Variants in ASTN1 observed in about 807,000 individuals in gnomAD.
ASTN1 encodes astrotactin-1.
A neutral mutation model predicts 140.7 loss-of-function variants in ASTN1; 41 were observed. The observed-to-expected ratio is 0.29, with a 90% CI of 0.23 to 0.38. The LOEUF is 0.38. ASTN1 is among the 10% of genes least tolerant of loss of function. The pLI is 1.00. For synonymous variants in ASTN1, 640 were observed against 652.2 expected (o/e 0.98, Z 0.29); for missense variants, 1,479 against 1,678.8 (o/e 0.88, Z 2.08).
intron 10 of ASTN1, among the ~76,000 whole-genome samples, chr1:176,958,057 C>T (rs759398221): frequency 3.3e-5 from 5 of 152,222 alleles, no homozygotes; most frequent in South Asian, 2.1e-4. Context: ...GAGGTCTAAA[C>T]TCAGGCAAGG....
At chr1:177,162,232 C>T (rs766518844) in intron 1 of ASTN1, among the ~76,000 whole-genome samples, 5 of 152,178 alleles carry the variant, frequency 3.3e-5, no homozygotes, top group Non-Finnish European at 7.3e-5. Context: ...TCCTTTCTGC[C>T]CAGATCTGTT....
intron 1 of ASTN1, among the ~76,000 whole-genome samples, chr1:177,148,152 C>T (rs1682800918): frequency 6.6e-6 from 1 of 152,164 alleles, no homozygotes; most frequent in African/African-American, 2.4e-5. Flanking sequence ...GGTGTGGTGG[C>T]TCACGCCTGT....
chr1:176,911,902 C>G (rs1670257884), intron 16 of ASTN1, among the ~76,000 whole-genome samples: 1 of 152,044 alleles, frequency 6.6e-6, no homozygotes, highest in South Asian at 2.1e-4. Flanking sequence ...TTGTTTACAC[C>G]AACATTACCA....
intron 8 of ASTN1, among the ~76,000 whole-genome samples, chr1:176,994,109 C>G (rs1674324039): frequency 6.6e-6 from 1 of 151,642 alleles, no homozygotes; most frequent in African/African-American, 2.4e-5. Flanking sequence ...CCCACCCCCC[C>G]CGCCACCCAC....
At chr1:177,119,342 A>T (rs1023968156) in intron 1 of ASTN1, among the ~76,000 whole-genome samples, 3 of 152,248 alleles carry the variant, frequency 2.0e-5, no homozygotes, top group Non-Finnish European at 4.4e-5. Context: ...TTTGCTACTG[A>T]ATTCACAGAT....
intron 1 of ASTN1, among the ~76,000 whole-genome samples, chr1:177,129,528 G>A (rs552206729): frequency 2.5e-4 from 38 of 152,232 alleles, no homozygotes; most frequent in African/African-American, 8.2e-4. Flanking sequence ...GCTTCTACCT[G>A]AGAAAGAGAG....
At chr1:177,163,288 G>A (rs1476248839) in intron 1 of ASTN1, among the ~76,000 whole-genome samples, 1 of 152,058 alleles carries the variant, frequency 6.6e-6, no homozygotes, top group Non-Finnish European at 1.5e-5. Context: ...AATTTCTCCT[G>A]GGCAAAATAA....
intron 1 of ASTN1, among the ~76,000 whole-genome samples, chr1:177,123,255 A>G (rs1681487271): frequency 6.6e-6 from 1 of 152,172 alleles, no homozygotes. Context: ...CCAACAATCA[A>G]TCAATGGGAA....
At chr1:176,916,292 GGT>G (rs1670478135) in intron 16 of ASTN1, among the ~76,000 whole-genome samples, 1 of 152,202 alleles carries the variant, frequency 6.6e-6, no homozygotes, top group Non-Finnish European at 1.5e-5. Flanking sequence ...CAGGAAGGTA[GGT>G]GTGCCTGCAG....
chr1:177,079,422 A>G (rs879282234), intron 1 of ASTN1, among the ~76,000 whole-genome samples: 1 of 152,170 alleles, frequency 6.6e-6, no homozygotes, highest in Admixed American at 6.5e-5. Flanking sequence ...AAATGTCTTA[A>G]AAGTTTCCTG....
chr1:177,072,155 A>G (rs1678675825), intron 1 of ASTN1, among the ~76,000 whole-genome samples: 1 of 152,190 alleles, frequency 6.6e-6, no homozygotes, highest in Non-Finnish European at 1.5e-5. Flanking sequence ...CTGAGAAATC[A>G]TGAGCCACTA....
At chr1:176,972,987 A>G (rs1216500658) in intron 8 of ASTN1, among the ~76,000 whole-genome samples, 1 of 151,808 alleles carries the variant, frequency 6.6e-6, no homozygotes, top group East Asian at 1.9e-4. Context: ...TTCCCTCCTC[A>G]TTTCAGATCC....
intron 1 of ASTN1, among the ~76,000 whole-genome samples, chr1:177,087,740 G>C (rs555832188): frequency 6.6e-6 from 1 of 152,328 alleles, no homozygotes; most frequent in African/African-American, 2.4e-5. Context: ...AGAGCCCAAG[G>C]TGCTTGTGGG....
chr1:176,973,201 T>G (rs1673215929), intron 8 of ASTN1, among the ~76,000 whole-genome samples: 1 of 152,124 alleles, frequency 6.6e-6, no homozygotes, highest in African/African-American at 2.4e-5. Flanking sequence ...AAGCATCATC[T>G]CCTACTTTCC....
intron 9 of ASTN1, 145 bp from the exon 10 acceptor site, chr1:176,958,627 A>C: frequency 8.4e-7 from 1 of 1,192,506 alleles, no homozygotes; most frequent in Non-Finnish European, 1.1e-6. Context: ...TGCAATGACT[A>C]AGTTCTAAGG....
chr1:177,004,946 TA>T (rs1674919381), intron 8 of ASTN1, among the ~76,000 whole-genome samples: 1 of 151,888 alleles, frequency 6.6e-6, no homozygotes, highest in Non-Finnish European at 1.5e-5. Flanking sequence ...ACCCCAAAAG[TA>T]AATGCAAAAA....
chr1:176,926,058 T>C (rs566654804), intron 16 of ASTN1, among the ~76,000 whole-genome samples: 9 of 152,222 alleles, frequency 5.9e-5, no homozygotes, highest in South Asian at 2.1e-4. Flanking sequence ...CTGTCCGCCT[T>C]GGCCTCCCAG....
intron 19 of ASTN1, among the ~76,000 whole-genome samples, chr1:176,883,411 G>T (rs2235540): frequency 0.84 from 127,022 of 151,914 alleles, 53,261 homozygotes; most frequent in Middle Eastern, 0.95. Context: ...GGTCAGGATG[G>T]TCTCGAAATC....
At chr1:177,119,299 A>G (rs982818372) in intron 1 of ASTN1, among the ~76,000 whole-genome samples, 2 of 152,236 alleles carry the variant, frequency 1.3e-5, no homozygotes, top group African/African-American at 4.8e-5. Flanking sequence ...TGCAGAATTC[A>G]CAGCTTTTTA....
Sources: allele counts gnomAD v4.1 joint callset (sites outside exome capture counted in the v4.1 genomes callset), GRCh38; gene constraint gnomAD v4.1.1; transcripts MANE v1.5; gene names NCBI Gene and HGNC (gene_info 2026-07-23, HGNC 2026-07-21).